Variants in DOCK11 observed in about 807,000 individuals in gnomAD.
DOCK11 encodes the protein dedicator of cytokinesis 11.
DOCK11 carries 70 observed loss-of-function variants against 169.1 expected under a neutral mutation model. That is an observed-to-expected ratio of 0.41 (90% CI 0.34 to 0.51). DOCK11 has a LOEUF of 0.51. Among genes scored for constraint, DOCK11 ranks in the 20% least tolerant of loss-of-function variants. DOCK11 has a pLI of 0.10. For missense variants in DOCK11, 1,166 were observed against 1,538.8 expected (o/e 0.76, Z 4.05); for synonymous variants, 529 against 541.3 (o/e 0.98, Z 0.32).
chrX:118,641,136 C>A, intron 38 of DOCK11, 54 bp from the exon 39 acceptor site: 1 of 920,946 alleles, frequency 1.1e-6, no homozygotes, highest in Non-Finnish European at 1.6e-6. Flanking sequence ...TCATTCAACA[C>A]CATTATGTGC....
chrX:118,510,332 G>A (rs1310386437), intron 1 of DOCK11, among the ~76,000 whole-genome samples: 8 of 112,301 alleles, frequency 7.1e-5, no homozygotes, highest in Non-Finnish European at 1.5e-4. Flanking sequence ...AATCCCTTTT[G>A]CGAATTTTGG....
At chrX:118,500,258 C>T (rs2057567008) in intron 1 of DOCK11, among the ~76,000 whole-genome samples, 1 of 110,358 alleles carries the variant, frequency 9.1e-6, no homozygotes, top group Non-Finnish European at 1.9e-5. Flanking sequence ...CCGTGTTAGC[C>T]AGGATGGTCT....
At chrX:118,607,438 T>TC (rs1483303835) in intron 24 of DOCK11, among the ~76,000 whole-genome samples, 2 of 93,077 alleles carry the variant, frequency 2.1e-5, no homozygotes, top group Non-Finnish European at 4.3e-5. Flanking sequence ...TTTTTTTTTT[T>TC]TGAGACAGAG....
At chrX:118,573,441 T>C (rs570799870) in intron 11 of DOCK11, among the ~76,000 whole-genome samples, 32 of 112,971 alleles carry the variant, frequency 2.8e-4, no homozygotes, top group African/African-American at 9.9e-4. Flanking sequence ...GATTTATTTC[T>C]ATACTGTAAT....
intron 1 of DOCK11, 102 bp from the exon 2 acceptor site, chrX:118,542,623 A>G: frequency 1.7e-6 from 1 of 595,397 alleles, no homozygotes; most frequent in Non-Finnish European, 2.8e-6. Flanking sequence ...TAAAAGTATC[A>G]GTAATCCCTT....
At chrX:118,568,965 G>A (rs111835494) in intron 10 of DOCK11, among the ~76,000 whole-genome samples, 1,177 of 110,149 alleles carry the variant, frequency 0.011, 5 homozygotes, top group African/African-American at 0.037. Context: ...GTTTGAAATC[G>A]GAAAATGTGC....
chrX:118,549,106 CTGTG>C (rs57680469), intron 6 of DOCK11, among the ~76,000 whole-genome samples: 1 of 99,119 alleles, frequency 1.0e-5, no homozygotes, highest in Non-Finnish European at 2.0e-5. Context: ...TGCTCATATT[CTGTG>C]TGTGTGTGTG....
chrX:118,656,923 A>C (rs1313737710), intron 44 of DOCK11, among the ~76,000 whole-genome samples: 1 of 110,859 alleles, frequency 9.0e-6, no homozygotes, highest in Non-Finnish European at 1.9e-5. Flanking sequence ...TGAGAACAAA[A>C]CTCCATCTAA....
At chrX:118,666,687 A>G (rs908980420) in intron 45 of DOCK11, among the ~76,000 whole-genome samples, 1 of 111,896 alleles carries the variant, frequency 8.9e-6, no homozygotes, top group African/African-American at 3.2e-5. Context: ...CCTATCTATG[A>G]CTTATTGTTG....
intron 6 of DOCK11, among the ~76,000 whole-genome samples, chrX:118,557,966 C>A (rs1281909124): frequency 1.9e-5 from 2 of 103,778 alleles, no homozygotes; most frequent in Admixed American, 2.1e-4. Context: ...AGTGACTTGC[C>A]TGTGTGAACC....
chrX:118,556,711 C>T (rs948112794), intron 6 of DOCK11, among the ~76,000 whole-genome samples: 5 of 104,551 alleles, frequency 4.8e-5, no homozygotes, highest in African/African-American at 1.4e-4. Context: ...AAGCCGAGAT[C>T]ACACCACTGC....
chrX:118,574,928 G>GT (rs1256556192), intron 12 of DOCK11, among the ~76,000 whole-genome samples: 7 of 111,990 alleles, frequency 6.3e-5, no homozygotes, highest in Admixed American at 4.7e-4. Flanking sequence ...AGTTAGCCGA[G>GT]TGGATTGATC....
intron 1 of DOCK11, among the ~76,000 whole-genome samples, chrX:118,529,804 G>A (rs768204736): frequency 1.8e-5 from 2 of 111,062 alleles, no homozygotes; most frequent in African/African-American, 3.3e-5. Context: ...GTCTTGAGGT[G>A]GGGGGAGTAG....
At chrX:118,501,170 T>C (rs1294705798) in intron 1 of DOCK11, among the ~76,000 whole-genome samples, 1 of 111,772 alleles carries the variant, frequency 8.9e-6, no homozygotes, top group Non-Finnish European at 1.9e-5. Flanking sequence ...TTCTTTACTT[T>C]TAAATTTAAA....
At position 118,544,234 on chromosome X, in the gene DOCK11, C is replaced by T. The variant is rs759252302; in HGVS notation, c.392+641C>T. On this transcript the variant is annotated intron_variant, in intron 4 of 52. Transcript: ENST00000276202. The stretch of plus-strand genomic sequence containing the variant: ...AATTAGTTCAGTTTGATGAACCTAG[C>T]CATCCCTTGGAAAAAGTGCATCTCT... 7.2e-5 allele frequency among the ~76,000 whole-genome samples: 8 copies of T among 111,509 alleles called. No individual in the cohort carries two copies. The South Asian group carries it at 2.6e-3, about 36-fold the overall frequency.
intron 11 of DOCK11, 69 bp downstream of exon 11, chrX:118,572,532 T>C (rs1396038525): frequency 9.6e-7 from 1 of 1,039,916 alleles, no homozygotes; most frequent in Non-Finnish European, 1.3e-6. Context: ...TCAAAATAAT[T>C]TGTACACCAA....
chrX:118,536,575 G>A lies in DOCK11; in HGVS notation c.103-6150G>A, dbSNP rs113689088. On this transcript the variant is annotated intron_variant, in intron 1 of 52. Coordinates refer to ENST00000276202, the MANE Select transcript of DOCK11 (RefSeq NM_144658.4). ...CTGATTGATCTAATGGGGAATAGAG[G>A]GACTCACACATTTTAGTGTGCAAAC... 1.8e-3 allele frequency among the ~76,000 whole-genome samples: 201 copies of A among 111,556 alleles called. 2 individuals are homozygous for A. Among genetic ancestry groups the A allele is most frequent in the African/African-American group, 6.2e-3 (190 of 30,722 alleles).
chrX:118,675,844 A>G, intron 46 of DOCK11, 92 bp from the exon 47 acceptor site: 1 of 526,898 alleles, frequency 1.9e-6, no homozygotes. Context: ...TGAAAAGAAT[A>G]TACTGGTGCT....
intron 1 of DOCK11, among the ~76,000 whole-genome samples, chrX:118,496,409 TGGACTCGGCACAAAGAGCC>T (rs1329390277): frequency 1.8e-5 from 2 of 112,366 alleles, no homozygotes; most frequent in African/African-American, 6.5e-5. Flanking sequence ...CGCGCTGCTC[TGGACTCGGCACAAAGAGCC>T]GGGGACAAGG....
Sources: allele counts gnomAD v4.1 joint callset (sites outside exome capture counted in the v4.1 genomes callset), GRCh38; gene constraint gnomAD v4.1.1; transcripts MANE v1.5; gene names NCBI Gene and HGNC (gene_info 2026-07-23, HGNC 2026-07-21).